Variants in TTN observed in about 807,000 individuals in gnomAD.
TTN encodes the protein titin.
Under a neutral mutation model 3,223.0 loss-of-function variants are expected in TTN, and 1,525 were observed. The ratio of observed to expected loss-of-function variants is 0.47; its 90% CI spans 0.45 to 0.49. The LOEUF is 0.49. Ranked by LOEUF, TTN falls within the 20% of genes least tolerant of loss-of-function variation. The pLI is 0.00. For missense variants in TTN, 40,786 were observed against 43,424.0 expected (o/e 0.94, Z 5.40); for synonymous variants, 14,094 against 15,161.0 (o/e 0.93, Z 5.17).
At position 178,779,438 on chromosome 2, in the gene TTN, C is replaced by T; in HGVS notation, c.3754G>A (p.Glu1252Lys). The part of the protein sequence containing the change: ...DQEFHISSFE[E>K]RLIKEIEYRI... ...TATTCAATTTCTTTAATAAGTCTCT[C>T]TTCAAAGGAAGAAATATGGAATTCC... The change falls in exon 23 of 363, where the codon GAG (glutamate) becomes AAG (lysine). Residue 1252 changes from glutamate to lysine, a missense_variant. Coordinates refer to ENST00000589042, the MANE Select transcript of TTN (RefSeq NM_001267550.2). The T allele has an allele frequency of 6.4e-7, 1 of 1,556,566 alleles. No individual in the cohort carries two copies. The highest frequency in any genetic ancestry group is 8.8e-7 in the Non-Finnish European group (1 of 1,131,290).
In TTN at chr2:178,569,583, T is replaced by G. The variant is rs780584058; in HGVS notation, c.76549A>C (p.Arg25517=). 3 of 1,612,906 alleles carry G rather than the reference T, an allele frequency of 1.9e-6. No individual in the cohort carries two copies. The Admixed American group carries it at 5.0e-5, about 27-fold the overall frequency. ...CCTGCCCTTATATTTATGATTTTCC[T>G]TAGTTCTAGGTCAAGATCAATGTCT... ...APDIDLDLEL[R]KIINIRAGGS... Residue 25517 remains arginine, a synonymous_variant, in exon 326 of 363, where the codon AGG becomes CGG. Coordinates refer to ENST00000589042, the MANE Select transcript of TTN (RefSeq NM_001267550.2).
chr2:178,586,814 G>A lies in TTN; in HGVS notation c.64094-7C>T, dbSNP rs1308782382. ...CTTGGGGGATCCGGCTCACCTAGAA[G>A]AAAAACATAATTTAGAAGATTACCT... On this transcript the variant is annotated splice_polypyrimidine_tract_variant and splice_region_variant and intron_variant, in intron 307 of 362. Coordinates refer to ENST00000589042, the MANE Select transcript of TTN (RefSeq NM_001267550.2). 6.2e-7 allele frequency: 1 copy of A among 1,605,282 alleles called. No individual in the cohort carries two copies. Among genetic ancestry groups the A allele is most frequent in the Non-Finnish European group, 8.5e-7 (1 of 1,177,680 alleles).
chr2:178,607,444 A>G lies in TTN; in HGVS notation c.53244T>C (p.Asn17748=). The change falls in exon 277 of 363, where the codon AAT becomes AAC. Residue 17748 remains asparagine (N), a synonymous_variant. Transcript: ENST00000589042. ...DHGRYVITAT[N]SCGSKFAAAR... The stretch of plus-strand genomic sequence containing the variant: ...CTGCTGCAAATTTGGAACCACAGCT[A>G]TTTGTAGCTGTAATCACATATCTGC... 6.2e-7 allele frequency: 1 copy of G among 1,613,188 alleles called. No homozygotes were observed. Among genetic ancestry groups the G allele is most frequent in the Non-Finnish European group, 8.5e-7 (1 of 1,179,390 alleles).
Position 178,652,696 on chromosome 2 carries a change from C to T in TTN, c.39000G>A (p.Val13000=). 1 of 1,613,346 alleles carries T rather than the reference C, an allele frequency of 6.2e-7. No homozygotes were observed. The highest frequency in any genetic ancestry group is 8.5e-7 in the Non-Finnish European group (1 of 1,179,544). ...APKEVVPEKK[V]PSAPPKKPEV... ...CAGGCTTTTTAGGAGGAGCCGAGGG[C>T]ACTTTCTTTTCAGGAACAACCTCTT... The change falls in exon 201 of 363, where the codon GTG becomes GTA. Residue 13000 remains valine (V), a synonymous_variant. Transcript: ENST00000589042.
Position 178,729,525 on chromosome 2 carries a change from C to T in TTN, c.18631G>A (p.Val6211Ile), listed in dbSNP as rs1236160546. 1.2e-6 allele frequency: 2 copies of T among 1,613,414 alleles called. No individual in the cohort carries two copies. The highest frequency in any genetic ancestry group is 2.7e-5 in the African/African-American group (2 of 74,896). The change falls in exon 64 of 363, where the codon GTA becomes ATA. Residue 6211 changes from valine (V) to isoleucine (I), a missense_variant. By Grantham distance (29) the Val-to-Ile change is conservative (BLOSUM62 3). Coordinates refer to ENST00000589042, the MANE Select transcript of TTN (RefSeq NM_001267550.2). ...TCCAGCTCCACGTCACTATATTTTA[C>T]TACCTCCACAGGCTTCAGCTCTCTG... ...FIRELKPVEV[V>I]KYSDVELECE... is the part of the protein sequence containing the mutation.
chr2:178,758,523 G>A (rs1249545394), intron 44 of TTN, among the ~76,000 whole-genome samples: 1 of 152,172 alleles, frequency 6.6e-6, no homozygotes, highest in East Asian at 1.9e-4. Context: ...TTGAGAGGAG[G>A]ATGAATATAG....
chr2:178,779,134 T>C lies in TTN; in HGVS notation c.3964-16A>G, dbSNP rs753121891. ...ACCAAGCAATCTGCAAAGAATACCA[T>C]GCATGTATGAATAAAATTTACATCA... On this transcript the variant is annotated splice_polypyrimidine_tract_variant and intron_variant, in intron 23 of 362. Transcript: ENST00000589042. The C allele has an allele frequency of 6.2e-7, 1 of 1,613,526 alleles. No individual in the cohort carries two copies. The highest frequency in any genetic ancestry group is 8.5e-7 in the Non-Finnish European group (1 of 1,179,852).
chr2:178,535,680 A>G lies in TTN; in HGVS notation c.100935T>C (p.Ile33645=), dbSNP rs763249842. 12 of 1,613,700 alleles carry G rather than the reference A, an allele frequency of 7.4e-6. No individual in the cohort carries two copies. Among genetic ancestry groups the G allele is most frequent in the Non-Finnish European group, 1.0e-5 (12 of 1,179,794 alleles). ...LIDNNGHYQV[I]VTRSFTSLVF... is the part of the protein sequence containing the mutation. ...CAAGTGATGTGAAGGATCTTGTGAC[A>G]ATAACTTGGTAGTGGCCATTATTGT... The change falls in exon 358 of 363, where the codon ATT becomes ATC. Residue 33645 remains isoleucine, a synonymous_variant. Coordinates refer to ENST00000589042, the MANE Select transcript of TTN (RefSeq NM_001267550.2).
Position 178,567,761 on chromosome 2 carries a change from A to G in TTN, c.78371T>C (p.Ile26124Thr), listed in dbSNP as rs778290450. The G allele has an allele frequency of 8.1e-6, 13 of 1,613,312 alleles. No individual in the cohort carries two copies. Among genetic ancestry groups the G allele is most frequent in the Admixed American group, 6.7e-5 (4 of 59,956 alleles). The change falls in exon 326 of 363, where the codon ATT (isoleucine) becomes ACT (threonine). Residue 26124 changes from isoleucine to threonine, a missense_variant. By Grantham distance (89) the Ile-to-Thr change is moderately conservative. Transcript: ENST00000589042. ...ATCAGGCAAATCACGTTTCTCTACAATGTAGCCTGTAATCATACTTCCACC... is the reference window on the plus strand; with the variant it reads ...ATCAGGCAAATCACGTTTCTCTACAGTGTAGCCTGTAATCATACTTCCACC... Reference protein sequence around the residue: ...YDGGSMITGYIVEKRDLPDGR... With the variant: ...YDGGSMITGYTVEKRDLPDGR...
rs761730887 is a variant in TTN at position 178,533,622 on chromosome 2, A to G, written c.102993T>C (p.Tyr34331=). 1 of 1,613,922 alleles carries G rather than the reference A, an allele frequency of 6.2e-7. No individual in the cohort carries two copies. The change falls in exon 358 of 363, where the codon TAT becomes TAC. Residue 34331 remains tyrosine (Y), a synonymous_variant. Transcript: ENST00000589042. Reference sequence around the variant, plus strand: ...CATATTTGTTCCTTGCCACAACAGTATATTCAGCGTCATCATCTGTAGTGA... The same window carrying G: ...CATATTTGTTCCTTGCCACAACAGTGTATTCAGCGTCATCATCTGTAGTGA... ...NSVTTDDDAE[Y]TVVARNKYGE... is the part of the protein sequence containing the mutation.
rs72647897 is a variant in TTN at position 178,750,551 on chromosome 2, A to G, written c.11311+2573T>C. 4,431 of 1,612,494 alleles carry G rather than the reference A, an allele frequency of 2.7e-3. 10 individuals carry two copies. Among genetic ancestry groups the G allele is most frequent in the Non-Finnish European group, 3.4e-3 (4,003 of 1,179,288 alleles). Reference sequence around the variant, plus strand: ...ACCTTCATAAACTTCTTGAGATTCAATTTCTTGAAGAAATGAAGGTGGGCA... The same window carrying G: ...ACCTTCATAAACTTCTTGAGATTCAGTTTCTTGAAGAAATGAAGGTGGGCA... On this transcript the variant is annotated intron_variant, in intron 47 of 362. Coordinates refer to ENST00000589042, the MANE Select transcript of TTN (RefSeq NM_001267550.2).
At position 178,553,255 on chromosome 2, in the gene TTN, C is replaced by T. The variant is rs755022770; in HGVS notation, c.89645G>A (p.Ser29882Asn). 2.1e-5 allele frequency: 34 copies of T among 1,612,644 alleles called. No homozygotes were observed. The highest frequency in any genetic ancestry group is 3.3e-4 in the Middle Eastern group (2 of 6,082). The change falls in exon 335 of 363, where the codon AGT (serine) becomes AAT (asparagine). Residue 29882 changes from serine (S) to asparagine (N), a missense_variant. Coordinates refer to ENST00000589042, the MANE Select transcript of TTN (RefSeq NM_001267550.2). Reference sequence around the variant, plus strand: ...GTTTTCAATGCTGTATCTGGCATCACTGCCAAGATTCTTCTCATCTTTTCT... The same window carrying T: ...GTTTTCAATGCTGTATCTGGCATCATTGCCAAGATTCTTCTCATCTTTTCT... ...TWRKDEKNLG[S>N]DARYSIENTD...
In TTN at chr2:178,794,437, T is replaced by C. The variant is rs113606989; in HGVS notation, c.1360A>G (p.Thr454Ala). Residue 454 changes from threonine (T) to alanine (A), a missense_variant, in exon 8 of 363, where the codon ACC becomes GCC. By Grantham distance (58) the Thr-to-Ala change is moderately conservative. Coordinates refer to ENST00000589042, the MANE Select transcript of TTN (RefSeq NM_001267550.2). ...GGTTGGATGTGCACAGCAGTCGTGG[T>C]TGTCCTCTGAGCAGTCTGCTCTACA... ...SAVEQTAQRT[T>A]TTAVHIQPAQ... 1 of 1,614,192 alleles carries C rather than the reference T, an allele frequency of 6.2e-7. No individual in the cohort carries two copies. The highest frequency in any genetic ancestry group is 8.5e-7 in the Non-Finnish European group (1 of 1,180,010).
chr2:178,706,541 C>G lies in TTN; in HGVS notation c.29333G>C (p.Gly9778Ala), dbSNP rs775854531. The change falls in exon 102 of 363, where the codon GGT (glycine) becomes GCT (alanine). Residue 9778 changes from glycine (G) to alanine (A), a missense_variant. Coordinates refer to ENST00000589042, the MANE Select transcript of TTN (RefSeq NM_001267550.2). The stretch of plus-strand genomic sequence containing the variant: ...TAAGTTAACATTACTTTCAATTTCA[C>G]CATGTTCGTTAAATGCCACGCATCG... ...LYRCVAFNEH[G>A]EIESNVNLQV... The G allele has an allele frequency of 4.3e-6, 7 of 1,613,814 alleles. No homozygotes were observed. The Admixed American group carries it at 1.2e-4, about 27-fold the overall frequency.
intron 47 of TTN, chr2:178,747,374 G>C: frequency 6.2e-7 from 1 of 1,613,266 alleles, no homozygotes; most frequent in Non-Finnish European, 8.5e-7. Flanking sequence ...TATATCTGAA[G>C]GATTAAAATA....
intron 312 of TTN, 81 bp downstream of exon 312, chr2:178,583,526 G>T: frequency 1.5e-6 from 2 of 1,349,986 alleles, no homozygotes; most frequent in African/African-American, 1.5e-5. Flanking sequence ...TTCCTTAGGT[G>T]TATATTTAGT....
At position 178,698,942 on chromosome 2, in the gene TTN, GA is replaced by G. The variant is rs755265331; in HGVS notation, c.30683-29del. 2.8e-6 allele frequency: 4 copies of G among 1,434,802 alleles called. No homozygotes were observed. The African/African-American group carries it at 6.0e-5, about 22-fold the overall frequency. The allele number at this position is 1,434,802 out of a possible 1,614,324, so 88.9% of individuals were successfully genotyped here. A position where few individuals can be genotyped will look rare whatever the true frequency, so the allele number is the denominator to read the frequency against. On this transcript the variant is annotated intron_variant, in intron 111 of 362. Coordinates refer to ENST00000589042, the MANE Select transcript of TTN (RefSeq NM_001267550.2). ...AAAAAAAAAAAAAAAGAAAAAAAAAGAAAAAATATTTCTGGTGTAAGTAACT... is the reference window on the plus strand; with the variant it reads ...AAAAAAAAAAAAAAAGAAAAAAAAAGAAAAATATTTCTGGTGTAAGTAACT...
At chr2:178,689,653 AT>A (rs551647942) in intron 122 of TTN, 58 bp from the exon 123 acceptor site, 53 of 1,506,466 alleles carry the variant, frequency 3.5e-5, no homozygotes, top group African/African-American at 1.9e-4. Context: ...ATGCACAGTT[AT>A]TTTTTTTAAG....
Position 178,577,292 on chromosome 2 carries a change from C to T in TTN, c.69043G>A (p.Ala23015Thr). 1 of 1,612,814 alleles carries T rather than the reference C, an allele frequency of 6.2e-7. No individual in the cohort carries two copies. Among genetic ancestry groups the T allele is most frequent in the East Asian group, 2.2e-5 (1 of 44,714 alleles). Residue 23015 changes from alanine to threonine, a missense_variant, in exon 324 of 363, where the codon GCG becomes ACG. Physicochemically the swap from Ala to Thr is moderately conservative, Grantham distance 58. Coordinates refer to ENST00000589042, the MANE Select transcript of TTN (RefSeq NM_001267550.2). Reference sequence around the variant, plus strand: ...GTAGCAGTGATGGTATATTCACCCGCATCTTTTCTAGTGGCATACTTGATA... The same window carrying T: ...GTAGCAGTGATGGTATATTCACCCGTATCTTTTCTAGTGGCATACTTGATA... ...LTIKYATRKD[A>T]GEYTITATNP...
Sources: gnomAD v4.1 joint callset for allele counts (sites outside exome capture counted in the v4.1 genomes callset) on GRCh38, gnomAD v4.1.1 for gene constraint, MANE v1.5 for transcripts, NCBI Gene and HGNC (gene_info 2026-07-23, HGNC 2026-07-21) for gene names.